Variants in ZZEF1 observed in about 807,000 individuals in gnomAD.
ZZEF1 encodes zinc finger ZZ-type and EF-hand domain-containing protein 1.
In ZZEF1, 157 loss-of-function variants were observed where a neutral mutation model predicts 342.8. That is an observed-to-expected ratio of 0.46 (90% CI 0.40 to 0.52). The LOEUF (loss-of-function observed/expected upper bound fraction) is 0.52. ZZEF1 is among the 20% of genes least tolerant of loss of function. The probability of loss-of-function intolerance (pLI) is 0.00; values close to 1 mark genes in which losing one functional copy is unlikely to be tolerated. For missense variants in ZZEF1, 3,480 were observed against 3,725.6 expected (o/e 0.93, Z 1.72); for synonymous variants, 1,505 against 1,429.1 (o/e 1.05, Z -1.20).
intron 16 of ZZEF1, among the ~76,000 whole-genome samples, chr17:4,083,561 C>T (rs1392683372): frequency 6.6e-6 from 1 of 152,040 alleles, no homozygotes; most frequent in Non-Finnish European, 1.5e-5. Flanking sequence ...ATAAGTTTTT[C>T]CTTGCGGCAG....
At chr17:4,064,134 G>GC (rs1484723028) in intron 29 of ZZEF1, among the ~76,000 whole-genome samples, 1 of 151,214 alleles carries the variant, frequency 6.6e-6, no homozygotes. Context: ...TCCCACTTTG[G>GC]CCTCCCAAAC....
At chr17:4,024,184 AG>A (rs1281620537) in intron 43 of ZZEF1, among the ~76,000 whole-genome samples, 4 of 77,078 alleles carry the variant, frequency 5.2e-5, no homozygotes, top group African/African-American at 3.2e-4. Context: ...AATATTGCCC[AG>A]GTTTTTTTTT....
intron 19 of ZZEF1, 107 bp downstream of exon 19, chr17:4,077,776 T>C (rs2057650440): frequency 1.7e-6 from 2 of 1,190,504 alleles, no homozygotes; most frequent in African/African-American, 3.1e-5. Flanking sequence ...TGAATCGTAA[T>C]GAAGAAAGCC....
chr17:4,112,709 C>T lies in ZZEF1; in HGVS notation c.966G>A (p.Gly322=). ...YMPQQVTVAV[G]RNASDLQEVR... is the part of the protein sequence containing the mutation. ...CTTCCTGAAGATCGCTGGCATTCCT[C>T]CCTACAGCTACTGTCACCTGCTGTG... Residue 322 remains glycine, a synonymous_variant, in exon 5 of 55, where the codon GGG becomes GGA. Transcript: ENST00000381638. 1 of 1,614,184 alleles carries T rather than the reference C, an allele frequency of 6.2e-7. No individual in the cohort carries two copies. The highest frequency in any genetic ancestry group is 1.1e-5 in the South Asian group (1 of 91,084).
In ZZEF1 at chr17:4,081,380, C is replaced by T. The variant is rs1336215272; in HGVS notation, c.2825G>A (p.Arg942Gln). 4.3e-6 allele frequency: 7 copies of T among 1,613,164 alleles called. No homozygotes were observed. The Admixed American group carries it at 8.3e-5, about 19-fold the overall frequency. ...AGGGAGGCAGCCACTGGATACCTCT[C>T]GAGCAGCAACAGAGACGAGAGTGTC... ...VMDTLVSVAA[R>Q]ECELLMLSGA... The change falls in exon 18 of 55, where the codon CGA becomes CAA. Residue 942 changes from arginine (R) to glutamine (Q), a missense_variant. Arg to Gln is a conservative substitution (Grantham distance 43). Around this residue, in one of 5 missense-constraint regions of ZZEF1, gnomAD observed 1,528 missense variants for 1,624.1 expected, o/e 0.94. Coordinates refer to ENST00000381638, the MANE Select transcript of ZZEF1 (RefSeq NM_015113.4).
chr17:4,082,309 A>G, intron 17 of ZZEF1, 128 bp downstream of exon 17: 1 of 810,548 alleles, frequency 1.2e-6, no homozygotes, highest in Non-Finnish European at 2.0e-6. Flanking sequence ...TCACCCACAG[A>G]AACTCGGCTT....
intron 26 of ZZEF1, 127 bp downstream of exon 26, chr17:4,070,557 A>T (rs560298989): frequency 1.5e-5 from 17 of 1,167,726 alleles, no homozygotes; most frequent in Non-Finnish European, 2.0e-5. Context: ...AGAACCAACA[A>T]GATGATGTTT....
Position 4,016,250 on chromosome 17 carries a change from G to T in ZZEF1, c.8145+73C>A, listed in dbSNP as rs569691386. 77 of 1,530,520 alleles carry T rather than the reference G, an allele frequency of 5.0e-5. No homozygotes were observed. The African/African-American group carries it at 9.5e-4, about 19-fold the overall frequency. The allele number at this position is 1,530,520 out of a possible 1,614,324, so 94.8% of individuals were successfully genotyped here. A position where few individuals can be genotyped will look rare whatever the true frequency, so the allele number is the denominator to read the frequency against. Reference sequence around the variant, plus strand: ...CCACAGAGGGGCTGAGCATGGAGGGGCTGAGCACGGAGGGGCTGACGAGGT... The same window carrying T: ...CCACAGAGGGGCTGAGCATGGAGGGTCTGAGCACGGAGGGGCTGACGAGGT... On this transcript the variant is annotated intron_variant, in intron 49 of 54. Transcript: ENST00000381638. This position sits in a 1 kb window ranked among gnomAD's most constrained non-coding sequence, Gnocchi z 4.4.
chr17:4,141,984 G>A (rs1292736943), intron 1 of ZZEF1, among the ~76,000 whole-genome samples: 2 of 152,204 alleles, frequency 1.3e-5, no homozygotes, highest in African/African-American at 4.8e-5. Context: ...CGGATCCTAT[G>A]AAGGTTTAAA....
At chr17:4,137,041 A>G (rs2058759824) in intron 1 of ZZEF1, among the ~76,000 whole-genome samples, 1 of 63,346 alleles carries the variant, frequency 1.6e-5, no homozygotes, top group Non-Finnish European at 4.1e-5. Flanking sequence ...ACGGGACCAT[A>G]AAGTGGCTGC....
rs138145517 is a variant in ZZEF1, at chr17:4,059,206, G to A, written c.4968C>T (p.Val1656=). The A allele has an allele frequency of 1.6e-5, 25 of 1,606,694 alleles. No individual in the cohort carries two copies. The highest frequency in any genetic ancestry group is 2.7e-5 in the African/African-American group (2 of 74,500). ...GGCTACTAAATCCTTTAACTGCTTT[G>A]ACCAAAAACAGAACAAGTTGATAGT... The part of the protein sequence containing the change: ...DTYYQLVLFL[V]KAVKGFSSLN... Residue 1656 remains valine (V), a synonymous_variant, in exon 31 of 55, where the codon GTC becomes GTT. Transcript: ENST00000381638.
intron 10 of ZZEF1, 26 bp downstream of exon 10, chr17:4,096,583 C>A (rs1302299930): frequency 1.2e-6 from 2 of 1,602,196 alleles, no homozygotes; most frequent in Admixed American, 3.3e-5. Flanking sequence ...AGTAACATTG[C>A]TTAAAGAAGG....
intron 42 of ZZEF1, among the ~76,000 whole-genome samples, chr17:4,025,850 A>T (rs975288520): frequency 1.3e-5 from 2 of 152,238 alleles, no homozygotes; most frequent in African/African-American, 4.8e-5. Flanking sequence ...GATCCCTGAG[A>T]GAAGGGATAT....
At chr17:4,028,557 A>AG (rs1233967754) in intron 42 of ZZEF1, among the ~76,000 whole-genome samples, 1 of 152,104 alleles carries the variant, frequency 6.6e-6, no homozygotes, top group Non-Finnish European at 1.5e-5. Context: ...TCCAAAAAAA[A>AG]AAAAAAAAAT....
chr17:4,142,763 G>A lies in ZZEF1; in HGVS notation c.133C>T (p.Pro45Ser). The change falls in exon 1 of 55, where the codon CCA (proline) becomes TCA (serine). Residue 45 changes from proline to serine, a missense_variant. Transcript: ENST00000381638. ...PGPGVAAPAL[P>S]PAAALLEPAR... ...GGCTCCAGCAGCGCCGCGGCGGGTG[G>A]TAGCGCTGGAGCCGCGACGCCCGGG... is the stretch of plus-strand genomic sequence containing the variant. The A allele has an allele frequency of 6.8e-7, 1 of 1,461,794 alleles. No homozygotes were observed. Among genetic ancestry groups the A allele is most frequent in the Non-Finnish European group, 9.0e-7 (1 of 1,114,980 alleles). The allele number at this position is 1,461,794 out of a possible 1,614,324, so 90.6% of individuals were successfully genotyped here.
At chr17:4,135,728 T>A (rs1161609173) in intron 1 of ZZEF1, among the ~76,000 whole-genome samples, 1 of 152,086 alleles carries the variant, frequency 6.6e-6, no homozygotes, top group African/African-American at 2.4e-5. Flanking sequence ...AGCGATCAGG[T>A]CCTCGGAGTT....
chr17:4,141,010 G>A (rs975825894), intron 1 of ZZEF1, among the ~76,000 whole-genome samples: 8 of 151,608 alleles, frequency 5.3e-5, no homozygotes, highest in African/African-American at 1.9e-4. Context: ...CTGGGTTCAA[G>A]CGGTTGTCCC....
intron 1 of ZZEF1, among the ~76,000 whole-genome samples, chr17:4,136,632 G>A (rs953452710): frequency 2.0e-5 from 3 of 152,148 alleles, no homozygotes; most frequent in African/African-American, 7.2e-5. Context: ...CAAACCCGCT[G>A]ATGCCATTAC....
At chr17:4,040,528 C>A (rs2145104128) in intron 39 of ZZEF1, among the ~76,000 whole-genome samples, 1 of 152,162 alleles carries the variant, frequency 6.6e-6, no homozygotes. Flanking sequence ...AAAGGTCTCA[C>A]TTTATTCGGA....
Sources: allele counts gnomAD v4.1 joint callset (sites outside exome capture counted in the v4.1 genomes callset), GRCh38; gene constraint gnomAD v4.1.1; regional missense constraint gnomAD v4.1.1; non-coding constraint Gnocchi (gnomAD v3.1); transcripts MANE v1.5; gene names NCBI Gene and HGNC (gene_info 2026-07-23, HGNC 2026-07-21).